Variants in CREB3L2 observed in about 807,000 individuals in gnomAD.
CREB3L2 encodes the protein cyclic AMP-responsive element-binding protein 3-like protein 2.
In CREB3L2, 23 loss-of-function variants were observed where a neutral mutation model predicts 57.2. The ratio of observed to expected loss-of-function variants is 0.40; its 90% CI spans 0.29 to 0.57. The LOEUF (loss-of-function observed/expected upper bound fraction) is 0.57, where lower values mean the gene tolerates loss of function less well. CREB3L2 is among the 20% of genes least tolerant of loss of function. The pLI, the probability that CREB3L2 is intolerant of heterozygous loss-of-function variation, is 0.42. For synonymous variants in CREB3L2, 268 were observed against 265.1 expected, an observed-to-expected ratio of 1.01 and a Z score of -0.11; for missense variants, 628 against 634.7, an observed-to-expected ratio of 0.99 and a Z score of 0.11.
At chr7:137,989,001 A>G (rs1801837090) in intron 1 of CREB3L2, among the ~76,000 whole-genome samples, 2 of 152,232 alleles carry the variant, frequency 1.3e-5, no homozygotes, top group Non-Finnish European at 2.9e-5. Context: ...AAAGAAAGAA[A>G]AAAGAAAAGA....
intron 8 of CREB3L2, among the ~76,000 whole-genome samples, chr7:137,891,944 C>A (rs573444495): frequency 2.0e-5 from 3 of 152,182 alleles, no homozygotes; most frequent in African/African-American, 7.2e-5. Context: ...GTGGTGTGTG[C>A]GGGTGCACAT....
chr7:137,932,882 G>C (rs1439244069), intron 1 of CREB3L2, among the ~76,000 whole-genome samples: 1 of 152,198 alleles, frequency 6.6e-6, no homozygotes, highest in Non-Finnish European at 1.5e-5. Flanking sequence ...AGTGCTCAAA[G>C]TTTTATGTGC....
chr7:137,982,538 T>C (rs1424069474), intron 1 of CREB3L2, among the ~76,000 whole-genome samples: 3 of 152,150 alleles, frequency 2.0e-5, no homozygotes, highest in Admixed American at 2.0e-4. Flanking sequence ...GTTCTCGTGA[T>C]AGTGAATAAG....
At chr7:137,929,572 A>AATG (rs541503282) in intron 1 of CREB3L2, among the ~76,000 whole-genome samples, 1 of 152,090 alleles carries the variant, frequency 6.6e-6, no homozygotes, top group Non-Finnish European at 1.5e-5. Flanking sequence ...TAATAATAAT[A>AATG]TAAAATAGGG....
chr7:137,939,099 G>A (rs1800839774), intron 1 of CREB3L2, among the ~76,000 whole-genome samples: 1 of 152,186 alleles, frequency 6.6e-6, no homozygotes, highest in Admixed American at 6.5e-5. Context: ...TAGCCTAGTA[G>A]GGCCTGTCCT....
chr7:138,000,146 T>C (rs1395394127), intron 1 of CREB3L2, among the ~76,000 whole-genome samples: 1 of 152,212 alleles, frequency 6.6e-6, no homozygotes, highest in Non-Finnish European at 1.5e-5. Flanking sequence ...TTGCAGCTGC[T>C]GGATGAGACA....
chr7:137,904,527 G>A (rs907103624), intron 6 of CREB3L2, among the ~76,000 whole-genome samples: 8 of 152,104 alleles, frequency 5.3e-5, no homozygotes, highest in South Asian at 2.1e-4. Context: ...AGCTGGGCGC[G>A]GTGGTGCATG....
chr7:137,950,096 A>G (rs1801067950), intron 1 of CREB3L2, among the ~76,000 whole-genome samples: 2 of 152,244 alleles, frequency 1.3e-5, no homozygotes, highest in African/African-American at 4.8e-5. Context: ...AAAGTTGCAC[A>G]GCTGAGGAAG....
At chr7:137,887,004 AG>A (rs1799434117) in intron 8 of CREB3L2, among the ~76,000 whole-genome samples, 1 of 152,070 alleles carries the variant, frequency 6.6e-6, no homozygotes. Flanking sequence ...CCCCAAACCC[AG>A]TGCATATGGC....
At chr7:137,909,437 C>A (rs1278386581) in intron 4 of CREB3L2, among the ~76,000 whole-genome samples, 1 of 152,188 alleles carries the variant, frequency 6.6e-6, no homozygotes, top group African/African-American at 2.4e-5. Context: ...ACTCTTGGGT[C>A]TCACTGTTCT....
intron 10 of CREB3L2, among the ~76,000 whole-genome samples, chr7:137,883,396 C>T (rs909097859): frequency 6.6e-6 from 1 of 152,126 alleles, no homozygotes; most frequent in African/African-American, 2.4e-5. Context: ...TTCAAGACCC[C>T]CAGTGGACGG....
intron 1 of CREB3L2, among the ~76,000 whole-genome samples, chr7:137,996,211 G>C (rs1203361745): frequency 1.3e-5 from 2 of 152,198 alleles, no homozygotes; most frequent in Middle Eastern, 3.2e-3. Context: ...GGGTTAACAT[G>C]TTAAATCTTA....
chr7:137,903,569 A>G (rs539262175), intron 7 of CREB3L2, among the ~76,000 whole-genome samples: 40 of 151,924 alleles, frequency 2.6e-4, no homozygotes, highest in African/African-American at 9.4e-4. Flanking sequence ...TGCCCTCTCT[A>G]GAGCATGAAG....
intron 1 of CREB3L2, among the ~76,000 whole-genome samples, chr7:137,932,361 T>C (rs1257845954): frequency 6.6e-6 from 1 of 152,130 alleles, no homozygotes; most frequent in Non-Finnish European, 1.5e-5. Flanking sequence ...TTTAAAGGCA[T>C]AAATAAATAA....
At chr7:137,927,278 G>GAAAGGAAAGGAGGAAGGAAGGA (rs35701640) in intron 2 of CREB3L2, among the ~76,000 whole-genome samples, 9 of 136,632 alleles carry the variant, frequency 6.6e-5, no homozygotes, top group African/African-American at 2.5e-4. Context: ...GAAAGGAAAG[G>GAAAGGAAAGGAGGAAGGAAGGA]AGGAAGGAAG....
chr7:137,929,623 G>A (rs1438087769), intron 1 of CREB3L2, among the ~76,000 whole-genome samples: 10 of 151,568 alleles, frequency 6.6e-5, no homozygotes, highest in Non-Finnish European at 4.4e-5. Context: ...AGGACTTTGG[G>A]AGGCCAAGGT....
At position 137,875,512 on chromosome 7, in the gene CREB3L2, G is replaced by A. The variant is rs1799128391; in HGVS notation, c.*4964C>T. ...CCCCAGATGTAAAGCCTGCTAGCTGGAACTCACAGAAGATTGGAACAAAAA... is the reference window on the plus strand; with the variant it reads ...CCCCAGATGTAAAGCCTGCTAGCTGAAACTCACAGAAGATTGGAACAAAAA... On this transcript the variant is annotated 3_prime_UTR_variant, in exon 12 of 12. Coordinates refer to ENST00000330387, the MANE Select transcript of CREB3L2 (RefSeq NM_194071.4). The A allele has an allele frequency of 4.5e-6, 1 of 223,254 alleles. No homozygotes were observed. The highest frequency in any genetic ancestry group is 5.7e-5 in the Admixed American group (1 of 17,392). The allele number at this position is 223,254 out of a possible 1,614,324, so 13.8% of individuals were successfully genotyped here.
intron 8 of CREB3L2, among the ~76,000 whole-genome samples, chr7:137,899,041 A>AAAG (rs1799685768): frequency 2.4e-5 from 2 of 81,922 alleles, no homozygotes; most frequent in African/African-American, 8.7e-5. Context: ...AGAAAGGAAG[A>AAAG]AAAAAGAAAG....
chr7:137,997,453 G>C (rs1802004686), intron 1 of CREB3L2, among the ~76,000 whole-genome samples: 1 of 152,100 alleles, frequency 6.6e-6, no homozygotes, highest in South Asian at 2.1e-4. Flanking sequence ...GAGCACAGTG[G>C]CTCACACCTG....
Sources: gnomAD v4.1 joint callset for allele counts (sites outside exome capture counted in the v4.1 genomes callset) on GRCh38, gnomAD v4.1.1 for gene constraint, MANE v1.5 for transcripts, NCBI Gene and HGNC (gene_info 2026-07-23, HGNC 2026-07-21) for gene names.